The following CHODL variants were observed in gnomAD, a reference collection of about 807,000 sequenced individuals.
CHODL encodes transmembrane protein MT75.
A neutral mutation model predicts 34.5 loss-of-function variants in CHODL; 29 were observed. The observed-to-expected ratio is 0.84, with a 90% CI of 0.63 to 1.15. The LOEUF (loss-of-function observed/expected upper bound fraction) is 1.15. CHODL is among the 50% of genes most tolerant of loss of function. The pLI is 0.00. For missense variants in CHODL, 332 were observed against 332.5 expected (o/e 1.00, Z 0.01); for synonymous variants, 125 against 116.1 (o/e 1.08, Z -0.49).
chr21:18,232,660 A>G (rs1024360544), intron 2 of CHODL, among the ~76,000 whole-genome samples: 10 of 151,890 alleles, frequency 6.6e-5, no homozygotes, highest in Non-Finnish European at 1.0e-4. Context: ...TTAAAAATCT[A>G]TATCTAACCT....
intron 1 of CHODL, among the ~76,000 whole-genome samples, chr21:17,953,541 G>T (rs1374303912): frequency 6.6e-6 from 1 of 151,994 alleles, no homozygotes; most frequent in African/African-American, 2.4e-5. Context: ...CAAACCAAAA[G>T]AAGAGAGAAA....
chr21:18,122,238 CAG>C (rs1231407319), intron 2 of CHODL, among the ~76,000 whole-genome samples: 1 of 152,046 alleles, frequency 6.6e-6, no homozygotes, highest in African/African-American at 2.4e-5. Flanking sequence ...TAATATACGT[CAG>C]ATGGGATAAA....
At chr21:18,004,342 G>T (rs2063939882) in intron 1 of CHODL, among the ~76,000 whole-genome samples, 1 of 152,112 alleles carries the variant, frequency 6.6e-6, no homozygotes, top group African/African-American at 2.4e-5. Context: ...GGTGTCAAAG[G>T]TCTAAATCAA....
chr21:18,236,224 A>G (rs991956836), intron 2 of CHODL, among the ~76,000 whole-genome samples: 2 of 152,102 alleles, frequency 1.3e-5, no homozygotes, highest in Non-Finnish European at 2.9e-5. Context: ...GTGAAGTGGG[A>G]AGCCCCTTAT....
chr21:17,938,493 T>TTTTTG (rs1568806953), intron 1 of CHODL, among the ~76,000 whole-genome samples: 1 of 54,032 alleles, frequency 1.9e-5, no homozygotes, highest in Non-Finnish European at 3.1e-5. Context: ...TTTTTTTTTT[T>TTTTTG]AAGGAAAGGG....
intron 2 of CHODL, among the ~76,000 whole-genome samples, chr21:18,058,793 C>T (rs2064617408): frequency 6.6e-6 from 1 of 152,084 alleles, no homozygotes; most frequent in Non-Finnish European, 1.5e-5. Flanking sequence ...TTTCATTATA[C>T]CTGCTATACA....
chr21:17,960,698 A>G (rs2063525711), intron 1 of CHODL, among the ~76,000 whole-genome samples: 1 of 152,140 alleles, frequency 6.6e-6, no homozygotes, highest in African/African-American at 2.4e-5. Flanking sequence ...TTCTTACAGG[A>G]TAATGGACTA....
intron 2 of CHODL, among the ~76,000 whole-genome samples, chr21:18,045,771 C>T (rs1380621897): frequency 6.6e-6 from 1 of 151,802 alleles, no homozygotes; most frequent in Admixed American, 6.6e-5. Context: ...AGTAATCTTA[C>T]AATTGACTAG....
At chr21:18,107,044 G>A (rs1050727541) in intron 2 of CHODL, among the ~76,000 whole-genome samples, 1 of 152,208 alleles carries the variant, frequency 6.6e-6, no homozygotes, top group African/African-American at 2.4e-5. Context: ...GAGACCTCTG[G>A]AGAACCCTCT....
chr21:17,994,853 T>C (rs2063833246), intron 1 of CHODL, among the ~76,000 whole-genome samples: 1 of 152,096 alleles, frequency 6.6e-6, no homozygotes, highest in Non-Finnish European at 1.5e-5. Context: ...GGACAGCACA[T>C]GTAGGTATGC....
At chr21:18,192,759 A>AT (rs2073525842) in intron 2 of CHODL, among the ~76,000 whole-genome samples, 2 of 152,166 alleles carry the variant, frequency 1.3e-5, no homozygotes, top group South Asian at 4.1e-4. Flanking sequence ...TTTAAAACCC[A>AT]TTTTATATCT....
chr21:17,983,141 C>A (rs1297041552), intron 1 of CHODL, among the ~76,000 whole-genome samples: 3 of 152,152 alleles, frequency 2.0e-5, no homozygotes, highest in Non-Finnish European at 4.4e-5. Context: ...AATATGCATA[C>A]TCTTTCTAAT....
At chr21:18,048,105 T>C (rs2064467282) in intron 2 of CHODL, among the ~76,000 whole-genome samples, 1 of 151,858 alleles carries the variant, frequency 6.6e-6, no homozygotes. Context: ...AAACTGTTAA[T>C]GAAGGAAGGA....
At chr21:18,108,525 G>A (rs13048693) in intron 2 of CHODL, among the ~76,000 whole-genome samples, 32 of 152,156 alleles carry the variant, frequency 2.1e-4, no homozygotes, top group Non-Finnish European at 2.9e-5. Context: ...ATGAGGGTTA[G>A]TGTTGACTCT....
rs544681290 is a variant in CHODL, at chr21:17,923,330, CTA to C, written c.-145+5932_-145+5933del. On this transcript the variant is annotated intron_variant, in intron 1 of 6. Coordinates refer to the CHODL transcript ENST00000400127. ...ATCACCATAAATGCTGACAACTGCC[CTA>C]TGAGGTAGGTGTAAGCATGGGCTCA... Among the ~76,000 whole-genome samples, 392 of 151,554 alleles carry C rather than the reference CTA, an allele frequency of 2.6e-3. 1 individual carries two copies. The highest frequency in any genetic ancestry group is 8.8e-3 in the African/African-American group (365 of 41,310).
At chr21:18,135,866 T>G (rs1249243889) in intron 2 of CHODL, among the ~76,000 whole-genome samples, 1 of 151,982 alleles carries the variant, frequency 6.6e-6, no homozygotes, top group East Asian at 1.9e-4. Flanking sequence ...TTCAGCACTT[T>G]GGGAGGCCAA....
At chr21:18,002,397 T>TAACC (rs2063915108) in intron 1 of CHODL, among the ~76,000 whole-genome samples, 1 of 152,258 alleles carries the variant, frequency 6.6e-6, no homozygotes, top group East Asian at 1.9e-4. Flanking sequence ...CTCTTAGTTC[T>TAACC]AACCTCATTA....
intron 2 of CHODL, among the ~76,000 whole-genome samples, chr21:18,122,968 T>A (rs548102921): frequency 6.6e-6 from 1 of 152,332 alleles, no homozygotes; most frequent in Non-Finnish European, 1.5e-5. Context: ...GGATGGTTAT[T>A]TTACTTCCTA....
rs138177662 is a variant in CHODL, at chr21:18,187,023, T to A, written c.-44-69486T>A. Among the ~76,000 whole-genome samples, 453 of 152,282 alleles carry A rather than the reference T, an allele frequency of 3.0e-3. 2 individuals are homozygous for A. Among genetic ancestry groups the A allele is most frequent in the African/African-American group, 0.01 (422 of 41,566 alleles). Reference sequence around the variant, plus strand: ...TGAAAACAATAGATTTATGATCATATAACTAACAGTAAAAGTTACTGTACT... The same window carrying A: ...TGAAAACAATAGATTTATGATCATAAAACTAACAGTAAAAGTTACTGTACT... On this transcript the variant is annotated intron_variant, in intron 2 of 6. Transcript: ENST00000400127.
Sources: gnomAD v4.1 joint callset for allele counts (sites outside exome capture counted in the v4.1 genomes callset) on GRCh38, gnomAD v4.1.1 for gene constraint, MANE v1.5 for transcripts, NCBI Gene and HGNC (gene_info 2026-07-23, HGNC 2026-07-21) for gene names.